BANK1: variants seen among roughly 807,000 people sequenced by gnomAD.
The protein encoded by BANK1 is B-cell scaffold protein with ankyrin repeats.
In BANK1, 95 loss-of-function variants were observed where a neutral mutation model predicts 94.5. The observed-to-expected ratio is 1.00, with a 90% CI of 0.85 to 1.19. The LOEUF is 1.19. Ranked by LOEUF, BANK1 falls within the 50% of genes most tolerant of loss-of-function variation. The pLI, the probability that BANK1 is intolerant of heterozygous loss-of-function variation, is 0.00. For missense variants in BANK1, 987 were observed against 932.2 expected (o/e 1.06, Z -0.77); for synonymous variants, 334 against 308.4 (o/e 1.08, Z -0.87).
Position 101,839,936 on chromosome 4 carries a change from AATT to A in BANK1, c.469+9731_469+9733del, listed in dbSNP as rs1366752847. 3.4e-3 allele frequency among the ~76,000 whole-genome samples: 265 copies of A among 78,972 alleles called. 12 individuals are homozygous for A. Among genetic ancestry groups the A allele is most frequent in the African/African-American group, 0.012 (254 of 21,704 alleles). The allele number at this position is 78,972 out of a possible 152,430, so 51.8% of individuals were successfully genotyped here. ...AGCTACTATATAATTTCAAATATTT[AATT>A]TTTTTTTTTTTTTTTTTTTTTTTTT... On this transcript the variant is annotated intron_variant, in intron 2 of 16. Transcript: ENST00000322953.
intron 7 of BANK1, among the ~76,000 whole-genome samples, chr4:102,014,153 A>G (rs946471046): frequency 1.3e-4 from 20 of 152,152 alleles, no homozygotes; most frequent in Non-Finnish European, 1.5e-5. Flanking sequence ...TTTAACAGCA[A>G]TATCAGTTAT....
chr4:101,816,045 G>C (rs1369820988), intron 1 of BANK1, among the ~76,000 whole-genome samples: 1 of 152,152 alleles, frequency 6.6e-6, no homozygotes, highest in Admixed American at 6.5e-5. Flanking sequence ...TTTGCCAGAG[G>C]ACAAGGAATT....
chr4:101,790,903 AG>A lies in BANK1; in HGVS notation c.27del (p.Ser12AlafsTer18), dbSNP rs1397170743. 1.3e-6 allele frequency: 2 copies of A among 1,540,324 alleles called. No homozygotes were observed. Among genetic ancestry groups the A allele is most frequent in the African/African-American group, 1.4e-5 (1 of 72,834 alleles). ...ACAATGCTGCCAGCAGCGCCAGGCAAGGGGCTTGGGAGCCCGGACCCCGCCC... is the reference window on the plus strand; with the variant it reads ...ACAATGCTGCCAGCAGCGCCAGGCAAGGGCTTGGGAGCCCGGACCCCGCCC... MLPAAPGKGLGSPDPAPC... is the reference protein window; with the variant it reads MLPAAPGXGLGSPDPAPC... On this transcript the variant is annotated frameshift_variant, in exon 1 of 17. Transcript: ENST00000322953. LOFTEE classifies it high-confidence loss of function.
At chr4:102,059,332 C>T (rs748561056) in intron 11 of BANK1, among the ~76,000 whole-genome samples, 18 of 152,140 alleles carry the variant, frequency 1.2e-4, no homozygotes, top group Non-Finnish European at 2.4e-4. Context: ...TTACCTACCC[C>T]TCCTGAAATA....
At chr4:102,052,073 G>T (rs959519973) in intron 11 of BANK1, among the ~76,000 whole-genome samples, 1 of 149,812 alleles carries the variant, frequency 6.7e-6, no homozygotes, top group African/African-American at 2.5e-5. Flanking sequence ...AACACCAAAA[G>T]CCTTGGTGAA....
chr4:101,958,135 C>T (rs1406782421), intron 7 of BANK1, among the ~76,000 whole-genome samples: 2 of 151,998 alleles, frequency 1.3e-5, no homozygotes, highest in African/African-American at 4.8e-5. Context: ...TGTGAGCCAC[C>T]GCTCCTGGCC....
At chr4:101,884,232 C>G (rs28617415) in intron 5 of BANK1, among the ~76,000 whole-genome samples, 6 of 152,182 alleles carry the variant, frequency 3.9e-5, no homozygotes, top group Admixed American at 2.0e-4. Flanking sequence ...AAAACACAAA[C>G]GAGTATACAT....
In BANK1 at chr4:102,025,505, A is replaced by G. The variant is rs114028806; in HGVS notation, c.1590A>G (p.Leu530=). The G allele has an allele frequency of 1.1e-4, 173 of 1,608,518 alleles. No individual in the cohort carries two copies. The highest frequency in any genetic ancestry group is 2.0e-4 in the Admixed American group (12 of 59,832). Residue 530 remains leucine (L), a synonymous_variant, in exon 9 of 17, where the codon TTA becomes TTG. Coordinates refer to ENST00000322953, the MANE Select transcript of BANK1 (RefSeq NM_017935.5). ...AACTGGAAAGACCTCACTTCACCTT[A>G]CCAGGTAAGTTTAAGGTTAGAAAAA... The part of the protein sequence containing the change: ...AFQLERPHFT[L]PGTMVEGQME...
At chr4:101,865,784 G>T (rs1269609197) in intron 4 of BANK1, among the ~76,000 whole-genome samples, 1 of 151,916 alleles carries the variant, frequency 6.6e-6, no homozygotes, top group African/African-American at 2.4e-5. Context: ...GTGGATTACT[G>T]TTTAAAAAAG....
chr4:101,883,972 G>T (rs1001762889), intron 5 of BANK1, among the ~76,000 whole-genome samples: 3 of 152,070 alleles, frequency 2.0e-5, no homozygotes, highest in Admixed American at 6.6e-5. Context: ...AATCTTGTGG[G>T]CCTCTGTACT....
At chr4:101,969,040 T>C (rs964227034) in intron 7 of BANK1, among the ~76,000 whole-genome samples, 5 of 152,002 alleles carry the variant, frequency 3.3e-5, no homozygotes, top group Non-Finnish European at 7.4e-5. Flanking sequence ...TCTGAGCTCA[T>C]TGGAAGGAGA....
At chr4:101,936,408 TATGCATGTATAC>T (rs1723556797) in intron 7 of BANK1, among the ~76,000 whole-genome samples, 1 of 150,260 alleles carries the variant, frequency 6.7e-6, no homozygotes, top group African/African-American at 2.4e-5. Flanking sequence ...TATATGTGCG[TATGCATGTATAC>T]ATGCATGTAT....
chr4:102,037,353 G>A (rs1404253697), intron 10 of BANK1, among the ~76,000 whole-genome samples: 1 of 152,164 alleles, frequency 6.6e-6, no homozygotes, highest in African/African-American at 2.4e-5. Context: ...TTAAGCCAGA[G>A]TAAAGAAATA....
intron 9 of BANK1, 99 bp downstream of exon 9, chr4:102,025,608 C>G: frequency 8.4e-7 from 1 of 1,184,202 alleles, no homozygotes; most frequent in Non-Finnish European, 1.2e-6. Flanking sequence ...CAGAGCAGAT[C>G]AGCTTTTGAA....
intron 14 of BANK1, 25 bp from the exon 15 acceptor site, chr4:102,072,320 G>A (rs1460722880): frequency 6.7e-7 from 1 of 1,502,426 alleles, no homozygotes; most frequent in Non-Finnish European, 9.2e-7. Context: ...GAATAAAGAG[G>A]TAATAACTGA....
At chr4:102,042,441 C>T (rs896969465) in intron 10 of BANK1, among the ~76,000 whole-genome samples, 2 of 151,976 alleles carry the variant, frequency 1.3e-5, no homozygotes, top group African/African-American at 4.8e-5. Context: ...AACTTTGAAA[C>T]ATATTTTGCC....
intron 16 of BANK1, 90 bp from the exon 17 acceptor site, chr4:102,073,915 T>G (rs1248279072): frequency 7.5e-6 from 4 of 532,470 alleles, no homozygotes; most frequent in Non-Finnish European, 6.5e-6. Context: ...TGTAGAAAGA[T>G]TTATGTACAG....
At chr4:102,060,797 T>A (rs1310406307) in intron 12 of BANK1, among the ~76,000 whole-genome samples, 1 of 152,196 alleles carries the variant, frequency 6.6e-6, no homozygotes, top group Non-Finnish European at 1.5e-5. Context: ...GCAATAAGTA[T>A]TTATCTTCTT....
rs542816551 is a variant in BANK1, at chr4:102,069,453, T to A, written c.2213-1822T>A. Among the ~76,000 whole-genome samples, 13 of 152,308 alleles carry A rather than the reference T, an allele frequency of 8.5e-5. No homozygotes were observed. The South Asian group carries it at 2.7e-3, about 32-fold the overall frequency. ...ACCAATACATAAAAAGTATAATGAA[T>A]TACCATTTGAGAAGACTGTTGGTTA... On this transcript the variant is annotated intron_variant, in intron 13 of 16. Transcript: ENST00000322953.
Sources: gnomAD v4.1 joint callset for allele counts (sites outside exome capture counted in the v4.1 genomes callset) on GRCh38, gnomAD v4.1.1 for gene constraint, MANE v1.5 for transcripts, NCBI Gene and HGNC (gene_info 2026-07-23, HGNC 2026-07-21) for gene names.